Variants in SMARCD3 observed in about 807,000 individuals in gnomAD.
The protein encoded by SMARCD3 is SWI/SNF related BAF chromatin remodeling complex subunit D3, also known as SWI/SNF-related matrix-associated actin-dependent regulator of chromatin subfamily D member 3.
Under a neutral mutation model 58.0 loss-of-function variants are expected in SMARCD3, and 14 were observed. The ratio of observed to expected loss-of-function variants is 0.24; its 90% confidence interval spans 0.16 to 0.38. SMARCD3 has a LOEUF of 0.38. SMARCD3 is among the 10% of genes least tolerant of loss of function. The pLI is 1.00. For missense variants in SMARCD3, 408 were observed against 636.9 expected (o/e 0.64, Z 3.87); for synonymous variants, 253 against 253.8 (o/e 1.00, Z 0.03).
At position 151,241,112 on chromosome 7, in the gene SMARCD3, C is replaced by T. The variant is rs1802965701; in HGVS notation, c.939+380G>A. 2 of 330,420 alleles carry T rather than the reference C, an allele frequency of 6.1e-6. No homozygotes were observed. The highest frequency in any genetic ancestry group is 5.6e-5 in the South Asian group (2 of 35,744). 20.5% of individuals were successfully genotyped at this position (330,420 alleles called of 1,614,324 possible). A position where few individuals can be genotyped will look rare whatever the true frequency, so the allele number is the denominator to read the frequency against. The stretch of plus-strand genomic sequence containing the variant: ...GGAGAGTAGATAGGACAGGTATTGT[C>T]ACTCCACTTCAAAGATAAGGAAACA... On this transcript the variant is annotated intron_variant, in intron 8 of 12. Transcript: ENST00000262188. The surrounding 1 kb of genome is among the most constrained non-coding windows in gnomAD (Gnocchi z 5.3).
At chr7:151,240,552 T>A (rs1395702743) in intron 8 of SMARCD3, 30 bp from the exon 9 acceptor site, 209 of 1,364,666 alleles carry the variant, frequency 1.5e-4, no homozygotes, top group Non-Finnish European at 2.0e-4. Flanking sequence ...GAGAGAGAGA[T>A]CACTCTTCTT....
Position 151,242,896 on chromosome 7 carries a change from CATGGAATGTATGCATGTTGTGCA to C in SMARCD3, c.334-76_334-54del. On this transcript the variant is annotated intron_variant, in intron 3 of 12. Coordinates refer to ENST00000262188, the MANE Select transcript of SMARCD3 (RefSeq NM_001003801.2). This position sits in a 1 kb window ranked among gnomAD's most constrained non-coding sequence, Gnocchi z 4.7. ...CAGAGGCTCAAGTCCAGGGTTGTAC[CATGGAATGTATGCATGTTGTGCA>C]ATCCTAGGGTACAAAAGATGTCAGG... is the stretch of plus-strand genomic sequence containing the variant. The C allele has an allele frequency of 6.2e-7, 1 of 1,601,994 alleles. No individual in the cohort carries two copies.
Position 151,248,489 on chromosome 7 carries a change from C to T in SMARCD3, c.74G>A (p.Gly25Glu). ...KSKLFEFLVH[G>E]VRPGMPSGAR... ...CGCTAACTTTCCCCCACTCACCACCCCATGGACCAGAAACTCAAAAAGTTT... is the reference window on the plus strand; with the variant it reads ...CGCTAACTTTCCCCCACTCACCACCTCATGGACCAGAAACTCAAAAAGTTT... The change falls in exon 1 of 13, where the codon GGG becomes GAG. Residue 25 changes from glycine (G) to glutamate (E), a missense_variant. Around this residue, in one of 4 missense-constraint regions of SMARCD3, gnomAD observed 84 missense variants for 81.2 expected, o/e 1.03. Coordinates refer to ENST00000262188, the MANE Select transcript of SMARCD3 (RefSeq NM_001003801.2). This position sits in a 1 kb window ranked among gnomAD's most constrained non-coding sequence, Gnocchi z 6.1. The T allele has an allele frequency of 6.2e-7, 1 of 1,612,430 alleles. No individual in the cohort carries two copies.
At chr7:151,258,401 C>A (rs968119637) in intron 2 of SMARCD3, among the ~76,000 whole-genome samples, 1 of 151,814 alleles carries the variant, frequency 6.6e-6, no homozygotes, top group Non-Finnish European at 1.5e-5. Context: ...CCCGTCTCTA[C>A]TAAAAATACA....
In SMARCD3 at chr7:151,246,243, C is replaced by T. The variant is rs1803258673; in HGVS notation, c.79-572G>A. The T allele has an allele frequency of 6.5e-6, 1 of 153,210 alleles. No individual in the cohort carries two copies. The highest frequency in any genetic ancestry group is 1.5e-5 in the Non-Finnish European group (1 of 68,802). 9.5% of individuals were successfully genotyped at this position (153,210 alleles called of 1,614,324 possible). On this transcript the variant is annotated intron_variant, in intron 1 of 12. Transcript: ENST00000262188. This position sits in a 1 kb window ranked among gnomAD's most constrained non-coding sequence, Gnocchi z 4.4. Reference sequence around the variant, plus strand: ...TCCTGCTCCTCCTTCTCAGGCTCCACTTCTTGGGCGGTTCTGCCTGGTACT... The same window carrying T: ...TCCTGCTCCTCCTTCTCAGGCTCCATTTCTTGGGCGGTTCTGCCTGGTACT...
intron 2 of SMARCD3, among the ~76,000 whole-genome samples, chr7:151,264,739 C>A (rs559387291): frequency 2.6e-5 from 4 of 152,182 alleles, no homozygotes; most frequent in African/African-American, 9.7e-5. Context: ...GTGTTGGCAG[C>A]CAGCATGGGG....
At chr7:151,259,371 G>A (rs528739978) in intron 2 of SMARCD3, among the ~76,000 whole-genome samples, 251 of 144,638 alleles carry the variant, frequency 1.7e-3, no homozygotes, top group Non-Finnish European at 2.8e-3. Context: ...AAAAAAGAAT[G>A]TAAGCTCCAA....
intron 2 of SMARCD3, among the ~76,000 whole-genome samples, chr7:151,269,408 C>T (rs1038924586): frequency 5.3e-5 from 8 of 152,234 alleles, no homozygotes; most frequent in Admixed American, 4.6e-4. Context: ...CCAGGGACCA[C>T]AGGGCTCTCT....
chr7:151,251,845 C>G (rs1306931468), upstream of SMARCD3, among the ~76,000 whole-genome samples: 1 of 149,414 alleles, frequency 6.7e-6, no homozygotes, highest in Non-Finnish European at 1.5e-5. Flanking sequence ...CCGCGGCCTG[C>G]GGGACGGGCT....
chr7:151,272,926 G>A (rs1795225136), intron 2 of SMARCD3, among the ~76,000 whole-genome samples: 1 of 152,164 alleles, frequency 6.6e-6, no homozygotes, highest in Admixed American at 6.5e-5. Flanking sequence ...TCCCCGATGG[G>A]TGGCTCAGCC....
At position 151,271,200 on chromosome 7, in the gene SMARCD3, C is replaced by T. The variant is rs1180391749; in HGVS notation, c.39+3914G>A. On this transcript the variant is annotated intron_variant, in intron 2 of 13. Transcript: ENST00000356800. ...TGAGGTGGTGAGGGCCTGCACCAGC[C>T]GCACAATCCCTTTCCCAGGCGGGTG... Among the ~76,000 whole-genome samples, 6 of 152,278 alleles carry T rather than the reference C, an allele frequency of 3.9e-5. No individual in the cohort carries two copies. The East Asian group carries it at 5.8e-4, about 15-fold the overall frequency.
At chr7:151,269,751 T>C (rs750622084) in intron 2 of SMARCD3, among the ~76,000 whole-genome samples, 3 of 152,058 alleles carry the variant, frequency 2.0e-5, no homozygotes, top group Non-Finnish European at 2.9e-5. Context: ...CAGCATCCCA[T>C]GTGAACACTT....
chr7:151,254,725 G>A (rs1031690882), intron 2 of SMARCD3, among the ~76,000 whole-genome samples: 5 of 152,160 alleles, frequency 3.3e-5, no homozygotes, highest in African/African-American at 1.2e-4. Context: ...CCCCATGACA[G>A]TGTCAGGGCA....
chr7:151,247,480 G>C (rs1289504576), intron 1 of SMARCD3, among the ~76,000 whole-genome samples: 1 of 152,080 alleles, frequency 6.6e-6, no homozygotes, highest in Non-Finnish European at 1.5e-5. Flanking sequence ...CCCTGAGAGG[G>C]AGGCTTTCAG....
chr7:151,252,127 G>A (rs1803539879), upstream of SMARCD3, among the ~76,000 whole-genome samples: 1 of 152,150 alleles, frequency 6.6e-6, no homozygotes. Context: ...CCGGGCCCCA[G>A]CCGCAGTCCC....
At chr7:151,251,327 C>G (rs1276287954), upstream of SMARCD3, among the ~76,000 whole-genome samples, 5 of 152,194 alleles carry the variant, frequency 3.3e-5, no homozygotes, top group African/African-American at 1.2e-4. Context: ...AACACACACA[C>G]AGCAGGCACA....
chr7:151,247,887 G>A (rs188486236), intron 1 of SMARCD3, among the ~76,000 whole-genome samples: 2 of 152,264 alleles, frequency 1.3e-5, no homozygotes, highest in East Asian at 3.9e-4. Context: ...GGCTGAGTCC[G>A]CCAAGGAGAC....
chr7:151,258,421 C>T (rs1042354308), intron 2 of SMARCD3, among the ~76,000 whole-genome samples: 29 of 151,572 alleles, frequency 1.9e-4, no homozygotes, highest in Non-Finnish European at 3.2e-4. Flanking sequence ...AAAAATTAGC[C>T]GGGTGTGGTG....
Position 151,242,117 on chromosome 7 carries a change from G to A in SMARCD3, c.675+20C>T, listed in dbSNP as rs772326259. ...TGTGGGAGGGTGGCAATTCAAGGGCGGAGGGGCTCTTGGTCTTACCTCAAC... is the reference window on the plus strand; with the variant it reads ...TGTGGGAGGGTGGCAATTCAAGGGCAGAGGGGCTCTTGGTCTTACCTCAAC... On this transcript the variant is annotated intron_variant, in intron 6 of 12. Transcript: ENST00000262188. The surrounding 1 kb of genome is among the most constrained non-coding windows in gnomAD (Gnocchi z 4.7). 2.9e-5 allele frequency: 46 copies of A among 1,589,112 alleles called. No homozygotes were observed. The highest frequency in any genetic ancestry group is 8.3e-5 in the Admixed American group (5 of 59,976).
Sources: gnomAD v4.1 joint callset for allele counts (sites outside exome capture counted in the v4.1 genomes callset) on GRCh38, gnomAD v4.1.1 for gene constraint, gnomAD v4.1.1 regional missense constraint, Gnocchi (gnomAD v3.1) non-coding constraint, MANE v1.5 for transcripts, NCBI Gene and HGNC (gene_info 2026-07-23, HGNC 2026-07-21) for gene names.